The following DLGAP1 variants were observed in gnomAD, a reference collection of about 807,000 sequenced individuals.
DLGAP1 encodes the protein disks large-associated protein 1.
In DLGAP1, 11 loss-of-function variants were observed where a neutral mutation model predicts 90.8. The observed-to-expected ratio is 0.12, with a 90% CI of 0.08 to 0.20. The LOEUF is 0.20. DLGAP1 is among the 10% of genes least tolerant of loss of function. The probability of loss-of-function intolerance (pLI) is 1.00; values close to 1 mark genes in which losing one functional copy is unlikely to be tolerated. For synonymous variants in DLGAP1, 558 were observed against 540.7 expected (o/e 1.03, Z -0.44); for missense variants, 1,050 against 1,333.8 (o/e 0.79, Z 3.31).
intron 2 of DLGAP1, among the ~76,000 whole-genome samples, chr18:4,011,373 G>A (rs969830959): frequency 7.2e-5 from 11 of 152,010 alleles, no homozygotes; most frequent in Non-Finnish European, 5.9e-5. Flanking sequence ...CTTGATGTAG[G>A]TAAAAGGCTG....
In DLGAP1 at chr18:3,879,748, G is replaced by A. The variant is rs749941295; in HGVS notation, c.321C>T (p.Phe107=). Reference sequence around the variant, plus strand: ...CGCGGCTGAGTGGCAGCTGCCGCTCGAACTGGTCCAGCAGGTTGGCGGGGA... The same window carrying A: ...CGCGGCTGAGTGGCAGCTGCCGCTCAAACTGGTCCAGCAGGTTGGCGGGGA... ...NRIPANLLDQ[F]ERQLPLSRDG... Residue 107 remains phenylalanine (F), a synonymous_variant, in exon 4 of 13, where the codon TTC becomes TTT. Coordinates refer to ENST00000315677, the MANE Select transcript of DLGAP1 (RefSeq NM_004746.4). The surrounding 1 kb of genome is among the most constrained non-coding windows in gnomAD (Gnocchi z 6.6). The A allele has an allele frequency of 3.1e-6, 5 of 1,608,194 alleles. No individual in the cohort carries two copies. Among genetic ancestry groups the A allele is most frequent in the Non-Finnish European group, 4.2e-6 (5 of 1,179,896 alleles).
intron 1 of DLGAP1, among the ~76,000 whole-genome samples, chr18:4,312,846 A>G (rs1185820471): frequency 6.6e-6 from 1 of 152,228 alleles, no homozygotes; most frequent in Non-Finnish European, 1.5e-5. Flanking sequence ...TTTAAAATAT[A>G]ATCATAGCCT....
At chr18:3,799,722 A>C (rs889058352) in intron 5 of DLGAP1, among the ~76,000 whole-genome samples, 4 of 152,188 alleles carry the variant, frequency 2.6e-5, no homozygotes, top group African/African-American at 7.2e-5. Context: ...TTGGGGAGTG[A>C]GGGCTGCGGA....
chr18:4,311,730 T>C (rs918021843), intron 1 of DLGAP1, among the ~76,000 whole-genome samples: 3 of 152,156 alleles, frequency 2.0e-5, no homozygotes, highest in Non-Finnish European at 4.4e-5. Context: ...TATATATGTA[T>C]TTTGAGACAG....
intron 4 of DLGAP1, among the ~76,000 whole-genome samples, chr18:3,823,645 A>G (rs1210030080): frequency 6.6e-6 from 1 of 152,202 alleles, no homozygotes; most frequent in Non-Finnish European, 1.5e-5. Flanking sequence ...TGAGAGATAC[A>G]ATCCCATAGC....
At position 4,438,356 on chromosome 18, in the gene DLGAP1, C is replaced by A. The variant is rs545981679; in HGVS notation, c.-267+16650G>T. 2.4e-5 allele frequency among the ~76,000 whole-genome samples: 3 copies of A among 125,042 alleles called. No homozygotes were observed. The South Asian group carries it at 7.8e-4, about 33-fold the overall frequency. 82.0% of individuals were successfully genotyped at this position (125,042 alleles called of 152,430 possible). A position where few individuals can be genotyped will look rare whatever the true frequency, so the allele number is the denominator to read the frequency against. ...GCCACATTTCAGAATGGTGTGAACC[C>A]GGGAGGTGGAGCTTGCAGTGAGCCG... On this transcript the variant is annotated intron_variant, in intron 1 of 12. Coordinates refer to ENST00000315677, the MANE Select transcript of DLGAP1 (RefSeq NM_004746.4).
At chr18:3,772,406 T>C (rs1281859030) in intron 5 of DLGAP1, among the ~76,000 whole-genome samples, 1 of 32,478 alleles carries the variant, frequency 3.1e-5, no homozygotes, top group Non-Finnish European at 7.9e-5. Context: ...CTTTCTTTCT[T>C]TCTCTTTCTT....
intron 7 of DLGAP1, among the ~76,000 whole-genome samples, chr18:3,695,041 G>A (rs1382938281): frequency 6.6e-6 from 1 of 150,538 alleles, no homozygotes; most frequent in Non-Finnish European, 1.5e-5. Flanking sequence ...CTGGGTTCAT[G>A]CCATTCTCCT....
chr18:3,697,496 G>A (rs992884929), intron 7 of DLGAP1, among the ~76,000 whole-genome samples: 1 of 152,070 alleles, frequency 6.6e-6, no homozygotes, highest in African/African-American at 2.4e-5. Flanking sequence ...GTAGTCTTGT[G>A]GTTTTGAGTG....
chr18:3,630,215 A>G (rs2058475299), intron 7 of DLGAP1, among the ~76,000 whole-genome samples: 1 of 152,142 alleles, frequency 6.6e-6, no homozygotes, highest in African/African-American at 2.4e-5. Flanking sequence ...TGAAGACCGG[A>G]ATAGAATAAA....
At chr18:3,547,019 G>A (rs564258092) in intron 9 of DLGAP1, among the ~76,000 whole-genome samples, 6 of 151,716 alleles carry the variant, frequency 4.0e-5, no homozygotes, top group Admixed American at 6.6e-5. Flanking sequence ...TCAGAAATGA[G>A]AGCCGGGCGC....
chr18:4,009,879 G>C (rs2074383083), intron 2 of DLGAP1, among the ~76,000 whole-genome samples: 1 of 152,186 alleles, frequency 6.6e-6, no homozygotes, highest in East Asian at 1.9e-4. Flanking sequence ...TATGGACAGG[G>C]AGGTAGAGGA....
rs80247311 is a variant in DLGAP1, at chr18:4,453,876, G to A, written c.-267+1130C>T. ...AGTCTCGCCTGGATCCACAAAAGAC[G>A]TGACATCTCCCACCCAGCGTCCCAC... On this transcript the variant is annotated intron_variant, in intron 1 of 12. Coordinates refer to ENST00000315677, the MANE Select transcript of DLGAP1 (RefSeq NM_004746.4). Among the ~76,000 whole-genome samples the A allele has an allele frequency of 4.8e-3, 736 of 152,276 alleles. 11 individuals are homozygous for A. The highest frequency in any genetic ancestry group is 0.016 in the African/African-American group (657 of 41,560).
intron 7 of DLGAP1, among the ~76,000 whole-genome samples, chr18:3,652,046 T>C (rs1163276053): frequency 6.9e-6 from 1 of 144,918 alleles, no homozygotes; most frequent in African/African-American, 2.6e-5. Flanking sequence ...CGCCTGTAGT[T>C]CCAGCTACTC....
At chr18:3,585,136 C>T (rs188341013) in intron 7 of DLGAP1, among the ~76,000 whole-genome samples, 9 of 152,260 alleles carry the variant, frequency 5.9e-5, no homozygotes, top group Admixed American at 2.6e-4. Context: ...ACAGGAAATA[C>T]GACTCAGGGA....
chr18:3,961,553 G>A (rs2073199096), intron 3 of DLGAP1, among the ~76,000 whole-genome samples: 1 of 152,156 alleles, frequency 6.6e-6, no homozygotes, highest in Non-Finnish European at 1.5e-5. Context: ...CATACCATGA[G>A]CAGGATACAC....
intron 3 of DLGAP1, among the ~76,000 whole-genome samples, chr18:3,929,703 G>GA (rs2072473788): frequency 6.6e-6 from 1 of 152,174 alleles, no homozygotes; most frequent in South Asian, 2.1e-4. Context: ...TTTAGCAGGA[G>GA]AAACAGTAAT....
At chr18:4,309,713 G>A (rs535437659) in intron 1 of DLGAP1, among the ~76,000 whole-genome samples, 2 of 152,160 alleles carry the variant, frequency 1.3e-5, no homozygotes, top group Non-Finnish European at 2.9e-5. Context: ...TTCTAGGAAT[G>A]AGGTCAAATT....
intron 1 of DLGAP1, among the ~76,000 whole-genome samples, chr18:4,377,697 T>C (rs1423227832): frequency 1.3e-5 from 2 of 152,124 alleles, no homozygotes; most frequent in Non-Finnish European, 2.9e-5. Context: ...CACACAGTCA[T>C]GATTCACTTT....
Sources: allele counts gnomAD v4.1 joint callset (sites outside exome capture counted in the v4.1 genomes callset), GRCh38; gene constraint gnomAD v4.1.1; non-coding constraint Gnocchi (gnomAD v3.1); transcripts MANE v1.5; gene names NCBI Gene and HGNC (gene_info 2026-07-23, HGNC 2026-07-21).